Variants in KPNA1 observed in about 807,000 individuals in gnomAD.
KPNA1 encodes the protein importin subunit alpha-5.
In KPNA1, 10 loss-of-function variants were observed where a neutral mutation model predicts 70.5. The observed-to-expected ratio is 0.14, with a 90% CI of 0.09 to 0.24. The LOEUF (loss-of-function observed/expected upper bound fraction) is 0.24, where lower values mean the gene tolerates loss of function less well. KPNA1 is among the 10% of genes least tolerant of loss of function. The probability of loss-of-function intolerance (pLI) is 1.00; values close to 1 mark genes in which losing one functional copy is unlikely to be tolerated. For missense variants in KPNA1, 397 were observed against 637.9 expected (o/e 0.62, Z 4.07); for synonymous variants, 192 against 221.9 (o/e 0.87, Z 1.20).
intron 3 of KPNA1, among the ~76,000 whole-genome samples, chr3:122,464,822 A>T (rs2107747937): frequency 6.6e-6 from 1 of 152,332 alleles, no homozygotes; most frequent in East Asian, 1.9e-4. Context: ...GCAGTCAACA[A>T]GATGAATTGT....
At chr3:122,455,000 A>C (rs1376764113) in intron 5 of KPNA1, among the ~76,000 whole-genome samples, 2 of 152,190 alleles carry the variant, frequency 1.3e-5, no homozygotes, top group Non-Finnish European at 2.9e-5. Context: ...TGTTTCTTCC[A>C]CCATTCTGTC....
At chr3:122,479,388 G>A (rs1576326330) in intron 2 of KPNA1, among the ~76,000 whole-genome samples, 1 of 152,158 alleles carries the variant, frequency 6.6e-6, no homozygotes, top group East Asian at 1.9e-4. Context: ...TGTGGAACAG[G>A]AACTCATATT....
In KPNA1 at chr3:122,496,514, A is replaced by C; in HGVS notation, c.52T>G (p.Ser18Ala). Residue 18 changes from serine (S) to alanine (A), a missense_variant, in exon 2 of 14, where the codon TCT becomes GCT. By Grantham distance (99) the Ser-to-Ala change is moderately conservative. Transcript: ENST00000344337. ...CTGCGCATCTCATCGGGATTCAGAG[A>C]TTTGTTCTTGTAACTTTTCAGGCGA... ...NFRLKSYKNK[S>A]LNPDEMRRRR... 1 of 1,613,780 alleles carries C rather than the reference A, an allele frequency of 6.2e-7. No individual in the cohort carries two copies. The highest frequency in any genetic ancestry group is 8.5e-7 in the Non-Finnish European group (1 of 1,179,846).
intron 1 of KPNA1, among the ~76,000 whole-genome samples, chr3:122,499,653 G>A (rs1383048329): frequency 4.6e-5 from 7 of 152,102 alleles, no homozygotes; most frequent in Non-Finnish European, 8.8e-5. Context: ...CAGGTACTCA[G>A]GAGGCTGAAG....
In KPNA1 at chr3:122,433,674, C is replaced by T; in HGVS notation, c.1237G>A (p.Ala413Thr). The change falls in exon 12 of 14, where the codon GCT (alanine) becomes ACT (threonine). Residue 413 changes from alanine (A) to threonine (T), a missense_variant. Ala to Thr is a moderately conservative substitution (Grantham distance 58, BLOSUM62 0). Coordinates refer to ENST00000344337, the MANE Select transcript of KPNA1 (RefSeq NM_002264.4). The stretch of plus-strand genomic sequence containing the variant: ...ATTGGTACTTACTTGATCTGTTCAG[C>T]TGATCCTCCAGAAGTTGCATTTGTG... ...AITNATSGGS[A>T]EQIKYLVELG... 2 of 1,606,392 alleles carry T rather than the reference C, an allele frequency of 1.2e-6. No homozygotes were observed. Among genetic ancestry groups the T allele is most frequent in the Non-Finnish European group, 1.7e-6 (2 of 1,178,124 alleles).
Position 122,478,894 on chromosome 3 carries a change from CAAAAAAAAAAAA to C in KPNA1, c.130-11477_130-11466del, listed in dbSNP as rs57843662. Among the ~76,000 whole-genome samples the C allele has an allele frequency of 1.7e-3, 31 of 18,700 alleles. 1 individual carries two copies. The South Asian group carries it at 0.07, about 42-fold the overall frequency. 12.3% of individuals were successfully genotyped at this position (18,700 alleles called of 152,430 possible). On this transcript the variant is annotated intron_variant, in intron 2 of 13. Transcript: ENST00000344337. ...GGGCAACAAGAGCAAAACCTCGTCT[CAAAAAAAAAAAA>C]AAAAAAAAAAAAAAGAACTAAAAAA...
chr3:122,479,767 A>G (rs2076549675), intron 2 of KPNA1, among the ~76,000 whole-genome samples: 1 of 152,096 alleles, frequency 6.6e-6, no homozygotes, highest in Admixed American at 6.5e-5. Context: ...CTCAACAACA[A>G]CAACAAAAAT....
At chr3:122,430,705 T>TAA (rs2075893201) in intron 12 of KPNA1, among the ~76,000 whole-genome samples, 1 of 152,160 alleles carries the variant, frequency 6.6e-6, no homozygotes, top group Non-Finnish European at 1.5e-5. Context: ...AGTCAACTGA[T>TAA]CTTTAACAGA....
At chr3:122,482,614 A>G (rs544111770) in intron 2 of KPNA1, among the ~76,000 whole-genome samples, 1 of 152,234 alleles carries the variant, frequency 6.6e-6, no homozygotes, top group Admixed American at 6.5e-5. Context: ...AATGGAATCT[A>G]TAACAAAGGG....
intron 2 of KPNA1, among the ~76,000 whole-genome samples, chr3:122,472,639 C>CA (rs1006544832): frequency 1.3e-5 from 2 of 151,998 alleles, no homozygotes; most frequent in Non-Finnish European, 2.9e-5. Flanking sequence ...ATGAAAAAAC[C>CA]AAAAGCTGGT....
At position 122,422,525 on chromosome 3, in the gene KPNA1, G is replaced by A. The variant is rs2075774571; in HGVS notation, c.*4460C>T. ...GCTGATGGTAAGCAGGAGTCAGGAA[G>A]AATGGTCTAACAAAAAAGGCTGGCC... On this transcript the variant is annotated 3_prime_UTR_variant, in exon 14 of 14. Coordinates refer to ENST00000344337, the MANE Select transcript of KPNA1 (RefSeq NM_002264.4). 6.6e-6 allele frequency: 1 copy of A among 152,196 alleles called. No homozygotes were observed. 9.4% of individuals were successfully genotyped at this position (152,196 alleles called of 1,614,324 possible). A position where few individuals can be genotyped will look rare whatever the true frequency, so the allele number is the denominator to read the frequency against.
chr3:122,500,450 C>G (rs932827152), intron 1 of KPNA1, among the ~76,000 whole-genome samples: 2 of 151,962 alleles, frequency 1.3e-5, no homozygotes, highest in Admixed American at 1.3e-4. Context: ...TCTTTATAAC[C>G]TTACTAATTT....
chr3:122,474,704 T>C (rs1386400950), intron 2 of KPNA1, among the ~76,000 whole-genome samples: 1 of 152,136 alleles, frequency 6.6e-6, no homozygotes, highest in Non-Finnish European at 1.5e-5. Flanking sequence ...CAAGGATGGT[T>C]CAACATACGC....
At chr3:122,452,829 GAGAA>G (rs1343726205) in intron 6 of KPNA1, among the ~76,000 whole-genome samples, 8 of 149,960 alleles carry the variant, frequency 5.3e-5, no homozygotes, top group African/African-American at 2.0e-4. Context: ...GACAGAAAGA[GAGAA>G]AGACAGAAAG....
chr3:122,429,857 A>T (rs1399279075), intron 12 of KPNA1, among the ~76,000 whole-genome samples: 1 of 152,220 alleles, frequency 6.6e-6, no homozygotes, highest in Non-Finnish European at 1.5e-5. Flanking sequence ...GGAACAAAAT[A>T]GAGGGCCCAG....
At chr3:122,440,517 T>C (rs527567135) in intron 10 of KPNA1, among the ~76,000 whole-genome samples, 1 of 152,294 alleles carries the variant, frequency 6.6e-6, no homozygotes, top group African/African-American at 2.4e-5. Context: ...GACAGAAAGA[T>C]ACTGATAGGG....
intron 3 of KPNA1, 128 bp downstream of exon 3, chr3:122,467,194 A>C (rs2076390664): frequency 2.0e-6 from 1 of 499,314 alleles, no homozygotes; most frequent in Non-Finnish European, 3.6e-6. Context: ...CATGAGATTA[A>C]GCATATTCTT....
chr3:122,450,009 C>T (rs2076181519), intron 8 of KPNA1, among the ~76,000 whole-genome samples: 1 of 152,174 alleles, frequency 6.6e-6, no homozygotes, highest in Non-Finnish European at 1.5e-5. Flanking sequence ...CCTATCAAAA[C>T]ACATTCTTTG....
At chr3:122,447,682 G>A (rs1163224775) in intron 9 of KPNA1, among the ~76,000 whole-genome samples, 2 of 152,142 alleles carry the variant, frequency 1.3e-5, no homozygotes, top group African/African-American at 2.4e-5. Context: ...GGGCAATCAG[G>A]TAAGAGAAAG....
Sources: allele counts gnomAD v4.1 joint callset (sites outside exome capture counted in the v4.1 genomes callset), GRCh38; gene constraint gnomAD v4.1.1; transcripts MANE v1.5; gene names NCBI Gene and HGNC (gene_info 2026-07-23, HGNC 2026-07-21).